Variants in WDR20 observed in about 807,000 individuals in gnomAD.
WDR20 encodes WD repeat-containing protein 20.
In WDR20, 3 loss-of-function variants were observed where a neutral mutation model predicts 38.7. That is an observed-to-expected ratio of 0.08 (90% CI 0.04 to 0.20). The LOEUF (loss-of-function observed/expected upper bound fraction) is 0.20. Among genes scored for constraint, WDR20 ranks in the 10% least tolerant of loss-of-function variants. The pLI, the probability that WDR20 is intolerant of heterozygous loss-of-function variation, is 1.00. For missense variants in WDR20, 559 were observed against 727.7 expected (o/e 0.77, Z 2.67); for synonymous variants, 298 against 285.6 (o/e 1.04, Z -0.44).
At chr14:102,181,533 C>T (rs1181513501) in intron 1 of WDR20, among the ~76,000 whole-genome samples, 1 of 151,886 alleles carries the variant, frequency 6.6e-6, no homozygotes, top group East Asian at 1.9e-4. Context: ...AAGTGCCACT[C>T]CAGCTTTATC....
At chr14:102,184,788 G>C (rs2064204383) in intron 1 of WDR20, among the ~76,000 whole-genome samples, 1 of 152,092 alleles carries the variant, frequency 6.6e-6, no homozygotes, top group Non-Finnish European at 1.5e-5. Context: ...TTATTGTCTT[G>C]CCTGCCTCCC....
intron 1 of WDR20, among the ~76,000 whole-genome samples, chr14:102,172,115 A>G (rs1483675074): frequency 6.6e-6 from 1 of 151,358 alleles, no homozygotes; most frequent in Admixed American, 6.6e-5. Flanking sequence ...ACTCTTAACG[A>G]GCATGCTGCC....
chr14:102,158,823 G>A (rs1339474433), intron 1 of WDR20, among the ~76,000 whole-genome samples: 3 of 152,052 alleles, frequency 2.0e-5, no homozygotes, highest in African/African-American at 4.8e-5. Flanking sequence ...TCCCCGACTC[G>A]TTCGCTAAAT....
downstream of WDR20, chr14:102,210,529 C>T: frequency 1.0e-6 from 1 of 985,266 alleles, no homozygotes; most frequent in East Asian, 1.1e-4. Context: ...TTCAAAGAAG[C>T]AGTTTGTAGC....
At chr14:102,217,739 T>C (rs988429318), downstream of WDR20, among the ~76,000 whole-genome samples, 5 of 152,228 alleles carry the variant, frequency 3.3e-5, no homozygotes, top group African/African-American at 9.6e-5. Context: ...GTGGTCTGTG[T>C]AGTGAGAATG....
intron 1 of WDR20, among the ~76,000 whole-genome samples, chr14:102,161,142 A>ATATATATATATATATATATTT: frequency 3.7e-4 from 6 of 16,048 alleles, no homozygotes; most frequent in East Asian, 5.5e-3. Context: ...ATATATATAT[A>ATATATATATATATATATATTT]TTTTTTTTTT....
chr14:102,160,786 TAA>T (rs1238033531), intron 1 of WDR20, among the ~76,000 whole-genome samples: 1 of 140,188 alleles, frequency 7.1e-6, no homozygotes, highest in Non-Finnish European at 1.6e-5. Flanking sequence ...ACTAAATATA[TAA>T]AAAAAAAAAA....
intron 2 of WDR20, among the ~76,000 whole-genome samples, chr14:102,205,391 GGAGA>G (rs1421477674): frequency 2.6e-5 from 4 of 152,188 alleles, no homozygotes; most frequent in African/African-American, 9.7e-5. Context: ...AAGACACTCT[GGAGA>G]GAGAAATGAG....
intron 1 of WDR20, among the ~76,000 whole-genome samples, chr14:102,172,101 G>A (rs1198928233): frequency 6.6e-6 from 1 of 151,056 alleles, no homozygotes; most frequent in Non-Finnish European, 1.5e-5. Flanking sequence ...AGGGAGTGGT[G>A]ATGACTCTTA....
At chr14:102,173,967 C>T (rs56366482) in intron 1 of WDR20, among the ~76,000 whole-genome samples, 118 of 151,524 alleles carry the variant, frequency 7.8e-4, no homozygotes, top group Non-Finnish European at 1.4e-3. Context: ...TGGTGTGAAC[C>T]CGGGAGGCGG....
chr14:102,220,461 C>T lies in WDR20; in HGVS notation c.1693-2369C>T, dbSNP rs535381760. 4.1e-4 allele frequency among the ~76,000 whole-genome samples: 63 copies of T among 152,316 alleles called. No homozygotes were observed. Among genetic ancestry groups the T allele is most frequent in the African/African-American group, 1.5e-3 (61 of 41,566 alleles). On this transcript the variant is annotated intron_variant, in intron 3 of 3. Transcript: ENST00000335263. This position sits in a 1 kb window ranked among gnomAD's most constrained non-coding sequence, Gnocchi z 4.2. ...AAAATTGGCCAGGTGCGGTGGCTCA[C>T]GCCTGTAATCCCAGCACTTTGGGAG...
At chr14:102,181,457 T>TG (rs1460596405) in intron 1 of WDR20, among the ~76,000 whole-genome samples, 2 of 151,722 alleles carry the variant, frequency 1.3e-5, no homozygotes, top group African/African-American at 2.4e-5. Flanking sequence ...TGGTCTGAGT[T>TG]GCAGCATCTT....
chr14:102,183,629 C>A (rs987244925), intron 1 of WDR20, among the ~76,000 whole-genome samples: 2 of 152,196 alleles, frequency 1.3e-5, no homozygotes, highest in African/African-American at 2.4e-5. Context: ...GGCAGATCAC[C>A]ACCTCTTCCT....
Position 102,210,303 on chromosome 14 carries a change from A to T in WDR20, c.*423A>T, listed in dbSNP as rs1174499541. ...CCTGATCAATGTGTGTTCAGCACAGATGGCCATGAATTGTCATTTATAGTC... is the reference window on the plus strand; with the variant it reads ...CCTGATCAATGTGTGTTCAGCACAGTTGGCCATGAATTGTCATTTATAGTC... On this transcript the variant is annotated 3_prime_UTR_variant, in exon 3 of 3. Coordinates refer to ENST00000342702, the MANE Select transcript of WDR20 (RefSeq NM_144574.4). The T allele has an allele frequency of 4.0e-5, 40 of 988,584 alleles. No homozygotes were observed. The highest frequency in any genetic ancestry group is 4.6e-5 in the Non-Finnish European group (38 of 831,980). The allele number at this position is 988,584 out of a possible 1,614,324, so 61.2% of individuals were successfully genotyped here.
chr14:102,214,049 G>A, downstream of WDR20: 1 of 985,612 alleles, frequency 1.0e-6, no homozygotes, highest in Non-Finnish European at 1.2e-6. Context: ...GTGGATGGGG[G>A]AGGGACTGGC....
At position 102,180,547 on chromosome 14, in the gene WDR20, G is replaced by C. The variant is rs114885246; in HGVS notation, c.250-14391G>C. On this transcript the variant is annotated intron_variant, in intron 1 of 2. Transcript: ENST00000342702. ...AGTAGCTGGGATTACTGCTTGGGGT[G>C]AAGAATTCTGTAAGAATTTTGTGAG... 4.5e-3 allele frequency among the ~76,000 whole-genome samples: 689 copies of C among 152,308 alleles called. 6 individuals carry two copies. Among genetic ancestry groups the C allele is most frequent in the African/African-American group, 0.015 (638 of 41,568 alleles).
At chr14:102,213,563 G>T, downstream of WDR20, 1 of 985,426 alleles carries the variant, frequency 1.0e-6, no homozygotes, top group Non-Finnish European at 1.2e-6. Flanking sequence ...GAAATGCAGT[G>T]ACAGGATGGG....
At chr14:102,198,115 T>G (rs1596699949) in intron 2 of WDR20, 1 of 96,646 alleles carries the variant, frequency 1.0e-5, no homozygotes, top group Non-Finnish European at 1.9e-5. Flanking sequence ...ATTTATTTAT[T>G]TATTTATTTA....
chr14:102,143,468 A>G (rs1252811951), intron 1 of WDR20, among the ~76,000 whole-genome samples: 2 of 152,172 alleles, frequency 1.3e-5, no homozygotes, highest in African/African-American at 4.8e-5. Flanking sequence ...AATACCAGGC[A>G]AGGTGATGTG....
Sources: gnomAD v4.1 joint callset for allele counts (sites outside exome capture counted in the v4.1 genomes callset) on GRCh38, gnomAD v4.1.1 for gene constraint, Gnocchi (gnomAD v3.1) non-coding constraint, MANE v1.5 for transcripts, NCBI Gene and HGNC (gene_info 2026-07-23, HGNC 2026-07-21) for gene names.